POMT1: variants seen among roughly 807,000 people sequenced by gnomAD.
POMT1 encodes the protein protein O-mannosyl-transferase 1.
A neutral mutation model predicts 101.6 loss-of-function variants in POMT1; 85 were observed. The ratio of observed to expected loss-of-function variants is 0.84; its 90% CI spans 0.70 to 1.00. The LOEUF (loss-of-function observed/expected upper bound fraction) is 1.00. Among genes scored for constraint, POMT1 ranks in the 50% least tolerant of loss-of-function variants. The probability of loss-of-function intolerance (pLI) is 0.00; values close to 1 mark genes in which losing one functional copy is unlikely to be tolerated. For missense variants in POMT1, 857 were observed against 930.4 expected (o/e 0.92, Z 1.03); for synonymous variants, 371 against 383.0 (o/e 0.97, Z 0.37).
At chr9:131,513,914 C>T (rs541670476) in intron 12 of POMT1, among the ~76,000 whole-genome samples, 174 of 152,320 alleles carry the variant, frequency 1.1e-3, no homozygotes, top group South Asian at 6.4e-3. Flanking sequence ...TCTGCACAGG[C>T]CCAGTCCCGG....
chr9:131,510,225 CA>C (rs1564347957), intron 8 of POMT1, 34 bp from the exon 9 acceptor site: 1 of 1,614,074 alleles, frequency 6.2e-7, no homozygotes, highest in Non-Finnish European at 8.5e-7. Context: ...CTTTTCCACG[CA>C]GTGGAACATG....
Position 131,523,590 on chromosome 9 carries a change from ACCAC to A in POMT1, c.*485_*488del. ...AGCTCAGTGTTGGAGGGCCACCTGA[ACCAC>A]GAGCCAGGGCTGGGGCTTGCATGTC... On this transcript the variant is annotated 3_prime_UTR_variant, in exon 20 of 20. Transcript: ENST00000402686. 4.6e-6 allele frequency: 1 copy of A among 216,406 alleles called. No individual in the cohort carries two copies. 13.4% of individuals were successfully genotyped at this position (216,406 alleles called of 1,614,324 possible).
At chr9:131,509,682 C>A (rs1946662061) in intron 6 of POMT1, 61 bp from the exon 7 acceptor site, 1 of 1,613,936 alleles carries the variant, frequency 6.2e-7, no homozygotes, top group African/African-American at 1.3e-5. Flanking sequence ...TGGAGCTTCA[C>A]TAGCCTTTTG....
At chr9:131,518,168 C>G (rs570158123) in intron 13 of POMT1, 1 of 483,226 alleles carries the variant, frequency 2.1e-6, no homozygotes, top group East Asian at 4.6e-5. Context: ...CAGAGAGGCA[C>G]GAAGAACATC....
rs374648174 is a variant in POMT1 at position 131,522,258 on chromosome 9, G to A, written c.2003+34G>A. ...GCTGCGGAGACAGTGGCTGGACCGG[G>A]CAGCAGCCCTCTGCTGGGAAGCCCA... On this transcript the variant is annotated intron_variant, in intron 19 of 19. Coordinates refer to ENST00000402686, the MANE Select transcript of POMT1 (RefSeq NM_001077365.2). The surrounding 1 kb of genome is among the most constrained non-coding windows in gnomAD (Gnocchi z 5.5). 1.5e-5 allele frequency: 24 copies of A among 1,609,886 alleles called. No homozygotes were observed. The highest frequency in any genetic ancestry group is 2.0e-5 in the Non-Finnish European group (24 of 1,179,920).
rs1947537436 is a variant in POMT1 at position 131,513,292 on chromosome 9, T to C, written c.1136T>C (p.Val379Ala). ...PPRPVRHGDMVQLVHGMTTRS... is the reference protein window; with the variant it reads ...PPRPVRHGDMAQLVHGMTTRS... ...AGACCTGTGAGGCACGGGGACATGG[T>C]GCAGCTGGTCCACGGCATGACCACC... Residue 379 changes from valine to alanine, a missense_variant, in exon 12 of 20, where the codon GTG becomes GCG. Physicochemically the swap from Val to Ala is moderately conservative, Grantham distance 64. Transcript: ENST00000402686. The C allele has an allele frequency of 1.9e-6, 3 of 1,612,312 alleles. No homozygotes were observed. The highest frequency in any genetic ancestry group is 2.2e-5 in the East Asian group (1 of 44,838).
chr9:131,517,670 C>T (rs1034313343), intron 13 of POMT1, among the ~76,000 whole-genome samples: 14 of 152,188 alleles, frequency 9.2e-5, no homozygotes, highest in African/African-American at 2.9e-4. Flanking sequence ...TTTCCATCCC[C>T]GCCCCCCCAC....
intron 11 of POMT1, among the ~76,000 whole-genome samples, chr9:131,512,948 A>G (rs1412305886): frequency 3.3e-5 from 1 of 30,336 alleles, no homozygotes; most frequent in Non-Finnish European, 1.6e-4. Flanking sequence ...GCCCTTCAGA[A>G]GGATTCCTTG....
intron 6 of POMT1, 149 bp from the exon 7 acceptor site, chr9:131,509,594 T>C (rs1190285229): frequency 1.3e-6 from 2 of 1,484,576 alleles, no homozygotes; most frequent in African/African-American, 2.8e-5. Flanking sequence ...ATGGATACTT[T>C]GGGAGATGGG....
Position 131,523,000 on chromosome 9 carries a change from C to T in POMT1, c.2072C>T (p.Ser691Phe). Residue 691 changes from serine to phenylalanine, a missense_variant, in exon 20 of 20, where the codon TCC becomes TTC. Coordinates refer to ENST00000402686, the MANE Select transcript of POMT1 (RefSeq NM_001077365.2). This position sits in a 1 kb window ranked among gnomAD's most constrained non-coding sequence, Gnocchi z 5.5. ...TGGTACTCCTCCGCGTGCCACGTGT[C>T]CAACACGCTGCGCCCACTCACCTAC... ...VAWYSSACHV[S>F]NTLRPLTYGD... The T allele has an allele frequency of 6.2e-7, 1 of 1,608,926 alleles. No individual in the cohort carries two copies. The highest frequency in any genetic ancestry group is 8.5e-7 in the Non-Finnish European group (1 of 1,179,146).
intron 10 of POMT1, 150 bp downstream of exon 10, chr9:131,511,617 G>A (rs1053021913): frequency 1.1e-5 from 12 of 1,074,630 alleles, no homozygotes; most frequent in Middle Eastern, 3.0e-4. Context: ...AGTGAGCTTC[G>A]TGGTTCCCGG....
chr9:131,522,318 C>G lies in POMT1; in HGVS notation c.2003+94C>G, dbSNP rs1950102935. On this transcript the variant is annotated intron_variant, in intron 19 of 19. Transcript: ENST00000402686. The surrounding 1 kb of genome is among the most constrained non-coding windows in gnomAD (Gnocchi z 5.5). Reference sequence around the variant, plus strand: ...AACACATGGGGTGCAGCGAACCTCACCCATTTCACGTTACACTGACATCCT... The same window carrying G: ...AACACATGGGGTGCAGCGAACCTCAGCCATTTCACGTTACACTGACATCCT... 6.3e-7 allele frequency: 1 copy of G among 1,578,064 alleles called. No individual in the cohort carries two copies. Among genetic ancestry groups the G allele is most frequent in the East Asian group, 2.3e-5 (1 of 43,402 alleles).
rs1949394288 is a variant in POMT1, at chr9:131,519,184, A to G, written c.1487-205A>G. On this transcript the variant is annotated intron_variant, in intron 15 of 19. Coordinates refer to ENST00000402686, the MANE Select transcript of POMT1 (RefSeq NM_001077365.2). The surrounding 1 kb of genome is among the most constrained non-coding windows in gnomAD (Gnocchi z 4.3). ...AAGGCAACCAGTTTATCCCCGTGCAAGTGGAGCTTTCTCAGGGTCGAAATC... is the reference window on the plus strand; with the variant it reads ...AAGGCAACCAGTTTATCCCCGTGCAGGTGGAGCTTTCTCAGGGTCGAAATC... 6.6e-6 allele frequency among the ~76,000 whole-genome samples: 1 copy of G among 152,180 alleles called. No homozygotes were observed. Among genetic ancestry groups the G allele is most frequent in the East Asian group, 1.9e-4 (1 of 5,192 alleles).
Position 131,522,875 on chromosome 9 carries a change from G to C in POMT1, c.2004-57G>C, listed in dbSNP as rs920104653. ...GGACAGCAGATGCCAAGAGGGTGCC[G>C]GGCAGGGAAGCCGCAGTGGTCAGCC... On this transcript the variant is annotated intron_variant, in intron 19 of 19. Coordinates refer to ENST00000402686, the MANE Select transcript of POMT1 (RefSeq NM_001077365.2). The surrounding 1 kb of genome is among the most constrained non-coding windows in gnomAD (Gnocchi z 5.5). 1.3e-6 allele frequency: 2 copies of C among 1,509,608 alleles called. No homozygotes were observed. Among genetic ancestry groups the C allele is most frequent in the Non-Finnish European group, 1.8e-6 (2 of 1,120,466 alleles). 93.5% of individuals were successfully genotyped at this position (1,509,608 alleles called of 1,614,324 possible).
In POMT1 at chr9:131,521,345, G is replaced by T. The variant is rs1949874222; in HGVS notation, c.1699-1G>T. 6.2e-7 allele frequency: 1 copy of T among 1,614,048 alleles called. No homozygotes were observed. The highest frequency in any genetic ancestry group is 8.5e-7 in the Non-Finnish European group (1 of 1,180,036). Reference sequence around the variant, plus strand: ...TAACAGCATCTCCCATGTTCCCTTAGGCTCAGATCCACCTACTTGGAAACA... The same window carrying T: ...TAACAGCATCTCCCATGTTCCCTTATGCTCAGATCCACCTACTTGGAAACA... On this transcript the variant is annotated splice_acceptor_variant, in intron 17 of 19. Coordinates refer to ENST00000402686, the MANE Select transcript of POMT1 (RefSeq NM_001077365.2). LOFTEE classifies it high-confidence loss of function.
chr9:131,512,041 A>C lies in POMT1; in HGVS notation c.987A>C (p.Ile329=). 3 of 1,614,076 alleles carry C rather than the reference A, an allele frequency of 1.9e-6. No homozygotes were observed. Among genetic ancestry groups the C allele is most frequent in the Non-Finnish European group, 2.5e-6 (3 of 1,179,998 alleles). ...ACATCTCTTTGTTGACTTCACACAG[A>C]TATGAGAACGGCCGAGGCAGCTCCC... ...LHSHQDTYPM[I]YENGRGSSHQ... is the part of the protein sequence containing the mutation. Residue 329 remains isoleucine, a splice_region_variant and synonymous_variant, in exon 11 of 20, where the codon ATA becomes ATC. Transcript: ENST00000402686.
In POMT1 at chr9:131,507,575, C is replaced by T. The variant is rs780774677; in HGVS notation, c.427+61C>T. Reference sequence around the variant, plus strand: ...GCAGGGAAGAACTGACCCTTTGGCCCGGAAGATCACATGGGCTTGGTGGGC... The same window carrying T: ...GCAGGGAAGAACTGACCCTTTGGCCTGGAAGATCACATGGGCTTGGTGGGC... On this transcript the variant is annotated intron_variant, in intron 5 of 19. Transcript: ENST00000402686. The T allele has an allele frequency of 4.5e-4, 723 of 1,607,190 alleles. 1 individual carries two copies. Among genetic ancestry groups the T allele is most frequent in the Admixed American group, 7.7e-4 (46 of 59,972 alleles).
chr9:131,512,155 A>G lies in POMT1; in HGVS notation c.1082+19A>G, dbSNP rs1454823245. 5 of 1,611,764 alleles carry G rather than the reference A, an allele frequency of 3.1e-6. No homozygotes were observed. Among genetic ancestry groups the G allele is most frequent in the African/African-American group, 1.3e-5 (1 of 74,752 alleles). ...CCAGGAGGTGAGTGCAGGTCCTGTG[A>G]CTCCAGAGCAGAGCTCACCTCCTGG... On this transcript the variant is annotated intron_variant, in intron 11 of 19. Coordinates refer to ENST00000402686, the MANE Select transcript of POMT1 (RefSeq NM_001077365.2).
chr9:131,511,215 T>A (rs1947043633), intron 9 of POMT1, 122 bp from the exon 10 acceptor site: 2 of 1,046,260 alleles, frequency 1.9e-6, no homozygotes, highest in South Asian at 1.5e-5. Flanking sequence ...TCATTACCAC[T>A]GTTACAAGAA....
Sources: gnomAD v4.1 joint callset for allele counts (sites outside exome capture counted in the v4.1 genomes callset) on GRCh38, gnomAD v4.1.1 for gene constraint, Gnocchi (gnomAD v3.1) non-coding constraint, MANE v1.5 for transcripts, NCBI Gene and HGNC (gene_info 2026-07-23, HGNC 2026-07-21) for gene names.